The following BCL2 variants were observed in gnomAD, a reference collection of about 807,000 sequenced individuals.
The protein encoded by BCL2 is BCL2 apoptosis regulator.
BCL2 carries 1 observed loss-of-function variant against 14.2 expected under a neutral mutation model. That is an observed-to-expected ratio of 0.07 (90% CI 0.02 to 0.33). The LOEUF (loss-of-function observed/expected upper bound fraction) is 0.33. Ranked by LOEUF, BCL2 falls within the 10% of genes least tolerant of loss-of-function variation. BCL2 has a pLI of 0.99. For synonymous variants in BCL2, 151 were observed against 137.2 expected (o/e 1.10, Z -0.70); for missense variants, 247 against 305.9 (o/e 0.81, Z 1.44).
chr18:63,242,223 G>A (rs562201604), intron 2 of BCL2, among the ~76,000 whole-genome samples: 22 of 152,334 alleles, frequency 1.4e-4, no homozygotes, highest in Non-Finnish European at 2.6e-4. Flanking sequence ...AGAAAACAGA[G>A]GCTTGGAAAT....
chr18:63,184,561 A>G (rs1412368095), intron 2 of BCL2, among the ~76,000 whole-genome samples: 5 of 152,194 alleles, frequency 3.3e-5, no homozygotes, highest in Admixed American at 6.5e-5. Flanking sequence ...TGCAGACTGT[A>G]AATAAAACCT....
At chr18:63,302,950 G>T in intron 2 of BCL2, 1 of 918,570 alleles carries the variant, frequency 1.1e-6, no homozygotes, top group Non-Finnish European at 1.3e-6. Flanking sequence ...CGCCCTGGTT[G>T]CTGAAGGTGG....
intron 2 of BCL2, among the ~76,000 whole-genome samples, chr18:63,313,111 C>T (rs1015936720): frequency 1.3e-5 from 2 of 152,080 alleles, no homozygotes; most frequent in African/African-American, 4.8e-5. Flanking sequence ...TGCTTTTTTC[C>T]TCTAAGTCTC....
chr18:63,239,750 A>C (rs531571241), intron 2 of BCL2, among the ~76,000 whole-genome samples: 10 of 152,094 alleles, frequency 6.6e-5, no homozygotes, highest in Non-Finnish European at 1.2e-4. Flanking sequence ...AAAAAAAAAA[A>C]AAAATCAGAA....
intron 2 of BCL2, among the ~76,000 whole-genome samples, chr18:63,237,259 G>A (rs1479994924): frequency 6.6e-5 from 10 of 152,064 alleles, no homozygotes; most frequent in Admixed American, 6.5e-4. Flanking sequence ...GCGGGGGGGA[G>A]GTGGGCGTGG....
intron 2 of BCL2, among the ~76,000 whole-genome samples, chr18:63,205,271 T>C (rs1219058355): frequency 6.6e-6 from 1 of 152,224 alleles, no homozygotes; most frequent in African/African-American, 2.4e-5. Context: ...TGATTATTTG[T>C]ACACCTGGCT....
intron 2 of BCL2, among the ~76,000 whole-genome samples, chr18:63,311,531 C>T (rs1429018495): frequency 2.0e-5 from 3 of 152,250 alleles, no homozygotes; most frequent in East Asian, 1.9e-4. Flanking sequence ...AGTGGGTTCT[C>T]GGGTTGTTTT....
At chr18:63,192,082 G>A (rs1909305032) in intron 2 of BCL2, among the ~76,000 whole-genome samples, 2 of 152,156 alleles carry the variant, frequency 1.3e-5, no homozygotes, top group South Asian at 4.1e-4. Flanking sequence ...CTGCTTTCAT[G>A]GATCTCAAAG....
chr18:63,319,964 C>T (rs1913648530), upstream of BCL2: 1 of 156,510 alleles, frequency 6.4e-6, no homozygotes. Flanking sequence ...TCCCGGAGCT[C>T]CCGCCGCGCA....
At chr18:63,168,587 G>T (rs1000448775) in intron 2 of BCL2, among the ~76,000 whole-genome samples, 1 of 152,152 alleles carries the variant, frequency 6.6e-6, no homozygotes, top group Non-Finnish European at 1.5e-5. Context: ...CATAGCTGAC[G>T]TCCACAGCCA....
At chr18:63,238,689 G>A (rs912811280) in intron 2 of BCL2, among the ~76,000 whole-genome samples, 1 of 152,204 alleles carries the variant, frequency 6.6e-6, no homozygotes, top group African/African-American at 2.4e-5. Flanking sequence ...TTTATTTACA[G>A]TTTTGATATA....
At chr18:63,153,801 G>C (rs1002316928) in intron 2 of BCL2, among the ~76,000 whole-genome samples, 4 of 152,128 alleles carry the variant, frequency 2.6e-5, no homozygotes, top group African/African-American at 9.7e-5. Context: ...ACACAGACCT[G>C]GCCACTCCAA....
chr18:63,196,158 T>G (rs1416188646), intron 2 of BCL2, among the ~76,000 whole-genome samples: 1 of 152,204 alleles, frequency 6.6e-6, no homozygotes, highest in African/African-American at 2.4e-5. Context: ...TGTATCCCTG[T>G]AACCTCTACC....
At chr18:63,263,132 G>A (rs1231503176) in intron 2 of BCL2, among the ~76,000 whole-genome samples, 1 of 152,198 alleles carries the variant, frequency 6.6e-6, no homozygotes, top group Non-Finnish European at 1.5e-5. Flanking sequence ...CAGCGAGGGT[G>A]GACGGTGAGC....
intron 2 of BCL2, among the ~76,000 whole-genome samples, chr18:63,179,663 C>T (rs1294385485): frequency 6.6e-6 from 1 of 152,186 alleles, no homozygotes; most frequent in African/African-American, 2.4e-5. Context: ...CAGCAAAGGA[C>T]TCAGTCTTTA....
At chr18:63,280,966 T>TAAGA (rs1274154323) in intron 2 of BCL2, among the ~76,000 whole-genome samples, 1 of 152,082 alleles carries the variant, frequency 6.6e-6, no homozygotes, top group Non-Finnish European at 1.5e-5. Flanking sequence ...GGAGAAACAA[T>TAAGA]ATGTAGTAGA....
At chr18:63,300,411 A>T (rs941585778) in intron 2 of BCL2, among the ~76,000 whole-genome samples, 6 of 151,936 alleles carry the variant, frequency 3.9e-5, no homozygotes, top group Non-Finnish European at 7.4e-5. Flanking sequence ...TTGTTCAAAA[A>T]AAAAGAGAAA....
At chr18:63,223,830 G>C (rs1403689750) in intron 2 of BCL2, among the ~76,000 whole-genome samples, 1 of 152,184 alleles carries the variant, frequency 6.6e-6, no homozygotes, top group Non-Finnish European at 1.5e-5. Context: ...CATCCTCAGA[G>C]CTTTCAATAC....
At chr18:63,215,113 A>G (rs1003378870) in intron 2 of BCL2, among the ~76,000 whole-genome samples, 3 of 152,164 alleles carry the variant, frequency 2.0e-5, no homozygotes, top group African/African-American at 7.2e-5. Context: ...TGTGATGGTC[A>G]TATTATTGCC....
Sources: gnomAD v4.1 joint callset for allele counts (sites outside exome capture counted in the v4.1 genomes callset) on GRCh38, gnomAD v4.1.1 for gene constraint, MANE v1.5 for transcripts, NCBI Gene and HGNC (gene_info 2026-07-23, HGNC 2026-07-21) for gene names.